Variants in HOXA3 observed in about 807,000 individuals in gnomAD.
HOXA3 encodes the protein homeobox A3.
A neutral mutation model predicts 30.3 loss-of-function variants in HOXA3; 8 were observed. That is an observed-to-expected ratio of 0.26 (90% CI 0.15 to 0.48). HOXA3 has a LOEUF of 0.48. Ranked by LOEUF, HOXA3 falls within the 20% of genes least tolerant of loss-of-function variation. The pLI is 0.99. For synonymous variants in HOXA3, 323 were observed against 273.1 expected (o/e 1.18, Z -1.80); for missense variants, 653 against 614.4 (o/e 1.06, Z -0.66).
At chr7:27,144,874 G>A (rs549314456) in intron 1 of HOXA3, among the ~76,000 whole-genome samples, 1 of 152,328 alleles carries the variant, frequency 6.6e-6, no homozygotes, top group Admixed American at 6.5e-5. Flanking sequence ...CGGCTCCCAT[G>A]GCCCTGGGCC....
intron 2 of HOXA3, chr7:27,130,023 C>T: frequency 7.2e-7 from 1 of 1,393,250 alleles, no homozygotes; most frequent in Non-Finnish European, 9.7e-7. Context: ...CCTCCCGAGG[C>T]CCCCTTCCCC....
At chr7:27,130,476 A>T (rs1449816908) in intron 2 of HOXA3, 1 of 1,260,068 alleles carries the variant, frequency 7.9e-7, no homozygotes, top group Non-Finnish European at 1.0e-6. Flanking sequence ...ACAGCGCGGC[A>T]GCAGGGTAGG....
intron 4 of HOXA3, among the ~76,000 whole-genome samples, chr7:27,111,957 T>C (rs748936931): frequency 6.6e-5 from 10 of 152,210 alleles, no homozygotes; most frequent in Non-Finnish European, 1.3e-4. Context: ...TTGTGTGCTG[T>C]TGTTGTTGTT....
intron 4 of HOXA3, chr7:27,114,071 G>A (rs1784539930): frequency 6.6e-6 from 1 of 151,822 alleles, no homozygotes; most frequent in Non-Finnish European, 1.5e-5. Context: ...GCGGGCGGGA[G>A]GGGAGACCAA....
At chr7:27,117,259 AC>A (rs1465382976) in intron 4 of HOXA3, among the ~76,000 whole-genome samples, 2 of 152,138 alleles carry the variant, frequency 1.3e-5, no homozygotes, top group Non-Finnish European at 2.9e-5. Context: ...TTGTCTCTGG[AC>A]TTCCCTCCAA....
chr7:27,147,751 T>A (rs1458501781), intron 1 of HOXA3: 1 of 1,603,450 alleles, frequency 6.2e-7, no homozygotes, highest in East Asian at 2.2e-5. Flanking sequence ...GGAACTCATT[T>A]GCGCGCCCCT....
Position 27,110,290 on chromosome 7 carries a change from G to A in HOXA3, c.351C>T (p.Ala117=), listed in dbSNP as rs779244441. The change falls in exon 5 of 6, where the codon GCC becomes GCT. Residue 117 remains alanine, a synonymous_variant. Transcript: ENST00000612286. ...PAPQPPAPTP[A]APPPPSSASP... ...AGGCAGAAGAGGGAGGCGGGGGCGC[G>A]GCAGGGGTAGGTGCAGGGGGCTGAG... 1.3e-6 allele frequency: 2 copies of A among 1,594,544 alleles called. No individual in the cohort carries two copies. Among genetic ancestry groups the A allele is most frequent in the Non-Finnish European group, 1.7e-6 (2 of 1,171,016 alleles).
intron 1 of HOXA3, chr7:27,142,909 G>A: frequency 1.3e-6 from 1 of 775,752 alleles, no homozygotes; most frequent in Non-Finnish European, 2.0e-6. Flanking sequence ...GGCAGGGGAG[G>A]GAGAACGGCA....
At chr7:27,141,848 G>A in intron 1 of HOXA3, 2 of 1,614,000 alleles carry the variant, frequency 1.2e-6, no homozygotes, top group South Asian at 1.1e-5. Context: ...GGGACGGAAG[G>A]CCCCTCCTGC....
chr7:27,133,667 G>A (rs1292197523), intron 2 of HOXA3, among the ~76,000 whole-genome samples: 1 of 152,218 alleles, frequency 6.6e-6, no homozygotes, highest in Non-Finnish European at 1.5e-5. Flanking sequence ...GTCGGAGGGA[G>A]AGGGAGGGTG....
At chr7:27,138,503 T>C (rs1785782382) in intron 2 of HOXA3, among the ~76,000 whole-genome samples, 1 of 152,242 alleles carries the variant, frequency 6.6e-6, no homozygotes, top group African/African-American at 2.4e-5. Flanking sequence ...GATCCTATTT[T>C]TTGTTTCATT....
At chr7:27,121,969 C>G (rs971441443) in intron 4 of HOXA3, 5 of 153,034 alleles carry the variant, frequency 3.3e-5, no homozygotes, top group African/African-American at 1.2e-4. Flanking sequence ...GTAGGAAGAA[C>G]CGATGATGAG....
At chr7:27,147,332 T>C in intron 1 of HOXA3, 2 of 1,614,112 alleles carry the variant, frequency 1.2e-6, no homozygotes, top group Non-Finnish European at 1.7e-6. Flanking sequence ...ATCCGCTGCA[T>C]CCAAGGGTAA....
intron 1 of HOXA3, chr7:27,143,212 G>C: frequency 6.2e-7 from 1 of 1,610,596 alleles, no homozygotes; most frequent in South Asian, 1.1e-5. Flanking sequence ...GGGTGCTGCC[G>C]GCGTCGGCCG....
At position 27,146,236 on chromosome 7, in the gene HOXA3, G is replaced by GGT. The variant is rs1170483226; in HGVS notation, c.-494+6050_-494+6051dup. Among the ~76,000 whole-genome samples the GGT allele has an allele frequency of 7.0e-5, 8 of 113,758 alleles. No individual in the cohort carries two copies. The East Asian group carries it at 1.7e-3, about 25-fold the overall frequency. 74.6% of individuals were successfully genotyped at this position (113,758 alleles called of 152,430 possible). A position where few individuals can be genotyped will look rare whatever the true frequency, so the allele number is the denominator to read the frequency against. On this transcript the variant is annotated intron_variant, in intron 1 of 5. Coordinates refer to ENST00000612286, the MANE Select transcript of HOXA3 (RefSeq NM_153631.3). The stretch of plus-strand genomic sequence containing the variant: ...AGGTCGTGTTTTTGTGGGGATGCAG[G>GGT]GTGTGTGTGTGTGTTTGTGTGTGTG...
rs372392193 is a variant in HOXA3 at position 27,125,742 on chromosome 7, G to T, written c.-205+1144C>A. On this transcript the variant is annotated intron_variant, in intron 3 of 5. Transcript: ENST00000612286. ...CAGAACCCACTCATTCAGAGGGGAA[G>T]CCCCAGGCTTTTTTGCTACATTGAT... 1.9e-3 allele frequency among the ~76,000 whole-genome samples: 284 copies of T among 152,350 alleles called. 4 individuals are homozygous for T. The South Asian group carries it at 0.058, about 31-fold the overall frequency.
At chr7:27,126,112 G>A (rs889033302) in intron 3 of HOXA3, among the ~76,000 whole-genome samples, 11 of 152,126 alleles carry the variant, frequency 7.2e-5, no homozygotes, top group Admixed American at 2.6e-4. Flanking sequence ...ATAAAACACC[G>A]GGTATATCAT....
intron 2 of HOXA3, chr7:27,130,796 G>C: frequency 1.3e-6 from 2 of 1,507,274 alleles, no homozygotes; most frequent in Non-Finnish European, 1.8e-6. Context: ...GGCTTGCCGA[G>C]GCCCCTCCCC....
intron 2 of HOXA3, chr7:27,128,752 T>C (rs1785388094): frequency 5.5e-6 from 1 of 181,366 alleles, no homozygotes; most frequent in Non-Finnish European, 1.2e-5. Context: ...AATAATCTTG[T>C]GAGGTCCACA....
Sources: allele counts gnomAD v4.1 joint callset (sites outside exome capture counted in the v4.1 genomes callset), GRCh38; gene constraint gnomAD v4.1.1; transcripts MANE v1.5; gene names NCBI Gene and HGNC (gene_info 2026-07-23, HGNC 2026-07-21).